Variants in ABTB2 observed in about 807,000 individuals in gnomAD.
The protein encoded by ABTB2 is ankyrin repeat and BTB domain containing 2.
In ABTB2, 56 loss-of-function variants were observed where a neutral mutation model predicts 104.1. That is an observed-to-expected ratio of 0.54 (90% CI 0.43 to 0.67). The LOEUF (loss-of-function observed/expected upper bound fraction) is 0.67. Among genes scored for constraint, ABTB2 ranks in the 30% least tolerant of loss-of-function variants. The pLI is 0.00. For synonymous variants in ABTB2, 606 were observed against 608.2 expected (o/e 1.00, Z 0.05); for missense variants, 1,279 against 1,407.7 (o/e 0.91, Z 1.46).
intron 3 of ABTB2, among the ~76,000 whole-genome samples, chr11:34,182,873 T>C (rs1188297039): frequency 6.6e-6 from 1 of 152,138 alleles, no homozygotes; most frequent in Admixed American, 6.5e-5. Flanking sequence ...ATTTCCGTTT[T>C]ATACATGGGG....
At chr11:34,294,790 A>ACTGTAAC (rs11383129) in intron 1 of ABTB2, among the ~76,000 whole-genome samples, 1 of 150,946 alleles carries the variant, frequency 6.6e-6, no homozygotes, top group African/African-American at 2.4e-5. Context: ...ATCTCAGCTC[A>ACTGTAAC]TGTAACCTCC....
rs1443722747 is a variant in ABTB2, at chr11:34,160,702, G to GC, written c.2397+200_2397+201insG. Among the ~76,000 whole-genome samples, 3 of 108,348 alleles carry GC rather than the reference G, an allele frequency of 2.8e-5. No homozygotes were observed. The East Asian group carries it at 1.1e-3, about 39-fold the overall frequency. 71.1% of individuals were successfully genotyped at this position (108,348 alleles called of 152,430 possible). A position where few individuals can be genotyped will look rare whatever the true frequency, so the allele number is the denominator to read the frequency against. On this transcript the variant is annotated intron_variant, in intron 11 of 16. Coordinates refer to ENST00000435224, the MANE Select transcript of ABTB2 (RefSeq NM_145804.3). ...GTGTATGTGTGTGTTGAGTGGGGGG[G>GC]GGGGCCTGGGTGCTGGGGGCGGGCG...
At chr11:34,290,504 A>G (rs564858665) in intron 1 of ABTB2, among the ~76,000 whole-genome samples, 2 of 152,336 alleles carry the variant, frequency 1.3e-5, no homozygotes, top group Admixed American at 6.5e-5. Context: ...CACATATGGC[A>G]GATATGAAAA....
At chr11:34,161,222 C>T (rs1852717357) in intron 10 of ABTB2, 141 bp from the exon 11 acceptor site, 2 of 796,208 alleles carry the variant, frequency 2.5e-6, no homozygotes, top group East Asian at 3.0e-5. Context: ...CCGCCTGCCC[C>T]CTTCCTGGGC....
chr11:34,189,798 C>T (rs1853148916), intron 3 of ABTB2, among the ~76,000 whole-genome samples: 2 of 152,224 alleles, frequency 1.3e-5, no homozygotes, highest in South Asian at 4.1e-4. Flanking sequence ...CCCCCACCTA[C>T]TCCAGCCTTC....
intron 8 of ABTB2, 58 bp from the exon 9 acceptor site, chr11:34,164,879 G>T (rs1250349469): frequency 6.4e-7 from 1 of 1,555,292 alleles, no homozygotes; most frequent in Non-Finnish European, 8.6e-7. Context: ...CAGGGCAGCT[G>T]AGGCGAAAGG....
At chr11:34,215,506 G>A (rs1853540389) in intron 1 of ABTB2, among the ~76,000 whole-genome samples, 1 of 152,146 alleles carries the variant, frequency 6.6e-6, no homozygotes, top group African/African-American at 2.4e-5. Context: ...AACATAACCT[G>A]CTTCAATCAG....
In ABTB2 at chr11:34,356,951, GA is replaced by G. The variant is rs866921934; in HGVS notation, c.632del (p.Phe211SerfsTer36). 5 of 1,599,812 alleles carry G rather than the reference GA, an allele frequency of 3.1e-6. No homozygotes were observed. Among genetic ancestry groups the G allele is most frequent in the South Asian group, 1.1e-5 (1 of 88,828 alleles). ...CGLTFSVGRF[F>X]RWMVDTRISV... ...AGATTCGGGTGTCCACCATCCAGCG[GA>G]AAAAGCGACCCACTGAGAAGGTGAG... is the stretch of plus-strand genomic sequence containing the variant. On this transcript the variant is annotated frameshift_variant, in exon 1 of 17. Transcript: ENST00000435224. LOFTEE classifies it high-confidence loss of function. The surrounding 1 kb of genome is among the most constrained non-coding windows in gnomAD (Gnocchi z 4.6).
intron 1 of ABTB2, among the ~76,000 whole-genome samples, chr11:34,347,173 T>C (rs913635381): frequency 1.3e-5 from 2 of 152,206 alleles, no homozygotes; most frequent in Non-Finnish European, 1.5e-5. Flanking sequence ...TGGTGGCTCA[T>C]GCCTGTAATC....
At chr11:34,302,319 T>C (rs956985413) in intron 1 of ABTB2, among the ~76,000 whole-genome samples, 1 of 152,240 alleles carries the variant, frequency 6.6e-6, no homozygotes, top group Admixed American at 6.5e-5. Context: ...TATTTAACCA[T>C]TCTCAGATGA....
intron 7 of ABTB2, among the ~76,000 whole-genome samples, chr11:34,165,956 C>T (rs1852794492): frequency 6.6e-6 from 1 of 152,200 alleles, no homozygotes; most frequent in Admixed American, 6.5e-5. Flanking sequence ...GAGGGCCTCT[C>T]CCCATGCTAG....
chr11:34,257,194 T>A (rs1165605638), intron 1 of ABTB2, among the ~76,000 whole-genome samples: 1 of 152,160 alleles, frequency 6.6e-6, no homozygotes, highest in Non-Finnish European at 1.5e-5. Flanking sequence ...ACCTCTGAAT[T>A]CTGACTTGTC....
intron 1 of ABTB2, among the ~76,000 whole-genome samples, chr11:34,290,939 C>T (rs1054858963): frequency 6.7e-6 from 1 of 149,334 alleles, no homozygotes; most frequent in African/African-American, 2.6e-5. Flanking sequence ...TCACATTCTT[C>T]TTTCTGAGAC....
intron 1 of ABTB2, among the ~76,000 whole-genome samples, chr11:34,215,399 G>A (rs1278900321): frequency 6.6e-6 from 1 of 152,324 alleles, no homozygotes; most frequent in South Asian, 2.1e-4. Context: ...ACATCACAAG[G>A]CCCAGGGCAG....
At chr11:34,344,403 C>T (rs1855303849) in intron 1 of ABTB2, among the ~76,000 whole-genome samples, 1 of 152,220 alleles carries the variant, frequency 6.6e-6, no homozygotes, top group Non-Finnish European at 1.5e-5. Flanking sequence ...CCCTGCTATA[C>T]TGAGCCCACC....
chr11:34,319,958 G>T (rs898834287), intron 1 of ABTB2, among the ~76,000 whole-genome samples: 8 of 152,034 alleles, frequency 5.3e-5, no homozygotes, highest in African/African-American at 1.7e-4. Flanking sequence ...GTGAGACACT[G>T]TGCCTGGCCT....
At chr11:34,335,308 A>T (rs532631104) in intron 1 of ABTB2, 2 of 1,170,300 alleles carry the variant, frequency 1.7e-6, no homozygotes, top group South Asian at 1.2e-5. Context: ...GTCCAAAAAA[A>T]TGCCAAACCA....
At chr11:34,296,493 C>T (rs1854624388) in intron 1 of ABTB2, among the ~76,000 whole-genome samples, 1 of 151,724 alleles carries the variant, frequency 6.6e-6, no homozygotes, top group Non-Finnish European at 1.5e-5. Flanking sequence ...CAAGGTATAA[C>T]CCTGAGGGCA....
intron 2 of ABTB2, among the ~76,000 whole-genome samples, chr11:34,202,361 A>G (rs185603400): frequency 1.1e-3 from 175 of 152,338 alleles, no homozygotes; most frequent in African/African-American, 3.9e-3. Context: ...GTCCTTAGCC[A>G]GGAGGCCAGG....
Sources: allele counts gnomAD v4.1 joint callset (sites outside exome capture counted in the v4.1 genomes callset), GRCh38; gene constraint gnomAD v4.1.1; non-coding constraint Gnocchi (gnomAD v3.1); transcripts MANE v1.5; gene names NCBI Gene and HGNC (gene_info 2026-07-23, HGNC 2026-07-21).